Variants in LRRTM4 observed in about 807,000 individuals in gnomAD.
LRRTM4 encodes the protein leucine rich repeat transmembrane neuronal 4, also known as leucine-rich repeat transmembrane neuronal protein 4.
In LRRTM4, 25 loss-of-function variants were observed where a neutral mutation model predicts 47.6. That is an observed-to-expected ratio of 0.53 (90% CI 0.38 to 0.73). LRRTM4 has a LOEUF of 0.73. Among genes scored for constraint, LRRTM4 ranks in the 30% least tolerant of loss-of-function variants. The probability of loss-of-function intolerance (pLI) is 0.00; values close to 1 mark genes in which losing one functional copy is unlikely to be tolerated. For missense variants in LRRTM4, 638 were observed against 713.4 expected, an observed-to-expected ratio of 0.89 and a Z score of 1.20; for synonymous variants, 311 against 269.5, an observed-to-expected ratio of 1.15 and a Z score of -1.51.
intron 3 of LRRTM4, among the ~76,000 whole-genome samples, chr2:77,457,055 T>A (rs1466820246): frequency 3.4e-5 from 4 of 118,786 alleles, no homozygotes; most frequent in South Asian, 2.8e-4. Flanking sequence ...TATATATGTA[T>A]AACCTGGAAC....
At chr2:77,354,735 C>T (rs1213901683) in intron 3 of LRRTM4, among the ~76,000 whole-genome samples, 1 of 152,112 alleles carries the variant, frequency 6.6e-6, no homozygotes. Flanking sequence ...AGGAAGCTGG[C>T]CTTTCATACT....
chr2:77,072,814 A>AAC (rs1680202463), intron 3 of LRRTM4, among the ~76,000 whole-genome samples: 1 of 151,510 alleles, frequency 6.6e-6, no homozygotes, highest in Non-Finnish European at 1.5e-5. Context: ...AAAAAAAAAA[A>AAC]AAAAAAAAAC....
intron 3 of LRRTM4, among the ~76,000 whole-genome samples, chr2:77,026,827 AAAG>A (rs1291368672): frequency 6.6e-6 from 1 of 152,160 alleles, no homozygotes; most frequent in Non-Finnish European, 1.5e-5. Flanking sequence ...CATGTATTCA[AAAG>A]AAGACTGCAA....
chr2:77,065,074 G>A (rs902901249), intron 3 of LRRTM4, among the ~76,000 whole-genome samples: 8 of 152,058 alleles, frequency 5.3e-5, no homozygotes, highest in African/African-American at 1.9e-4. Context: ...TAATAATAAT[G>A]TTTTATTGAA....
intron 3 of LRRTM4, among the ~76,000 whole-genome samples, chr2:77,399,031 C>A (rs1483778582): frequency 2.0e-5 from 3 of 151,722 alleles, no homozygotes; most frequent in Non-Finnish European, 4.4e-5. Context: ...GTCCATCCTG[C>A]CATGACTAGA....
At chr2:77,476,732 A>C (rs569901970) in intron 3 of LRRTM4, among the ~76,000 whole-genome samples, 6 of 152,126 alleles carry the variant, frequency 3.9e-5, no homozygotes, top group Non-Finnish European at 8.8e-5. Flanking sequence ...TAATGGACCG[A>C]GTTTTACAAA....
chr2:76,973,732 T>C (rs1276710805), intron 3 of LRRTM4, among the ~76,000 whole-genome samples: 2 of 151,960 alleles, frequency 1.3e-5, no homozygotes, highest in African/African-American at 4.8e-5. Context: ...AGGCTTAATG[T>C]ATAAAGGATG....
chr2:77,379,550 T>A (rs978715598), intron 3 of LRRTM4, among the ~76,000 whole-genome samples: 4 of 152,156 alleles, frequency 2.6e-5, no homozygotes, highest in Middle Eastern at 3.2e-3. Flanking sequence ...TTAATATTTA[T>A]GTTTACAGTT....
At chr2:77,081,209 C>G (rs1281735639) in intron 3 of LRRTM4, among the ~76,000 whole-genome samples, 1 of 149,776 alleles carries the variant, frequency 6.7e-6, no homozygotes, top group African/African-American at 2.5e-5. Flanking sequence ...TGTTTCTGTT[C>G]CCTAAAGTAT....
intron 3 of LRRTM4, among the ~76,000 whole-genome samples, chr2:77,373,431 A>T (rs574172115): frequency 6.6e-6 from 1 of 151,862 alleles, no homozygotes; most frequent in Admixed American, 6.6e-5. Flanking sequence ...CTAGTACAAA[A>T]CATAGAATGG....
At chr2:77,457,855 T>C (rs1676621647) in intron 3 of LRRTM4, among the ~76,000 whole-genome samples, 1 of 152,096 alleles carries the variant, frequency 6.6e-6, no homozygotes, top group African/African-American at 2.4e-5. Context: ...ATGCCTCAGC[T>C]CAAAGGTCAC....
chr2:77,111,352 C>T, intron 3 of LRRTM4, among the ~76,000 whole-genome samples: 1 of 144,376 alleles, frequency 6.9e-6, no homozygotes, highest in Admixed American at 7.4e-5. Flanking sequence ...TGGTCTCCAT[C>T]TACTGACCTC....
Position 77,456,129 on chromosome 2 carries a change from A to G in LRRTM4, c.1551+62189T>C, listed in dbSNP as rs552410353. ...CAGTGAGACATTGCTACAGAAAATCACAAATCCCTACTGACTAAATTCAAT... is the reference window on the plus strand; with the variant it reads ...CAGTGAGACATTGCTACAGAAAATCGCAAATCCCTACTGACTAAATTCAAT... On this transcript the variant is annotated intron_variant, in intron 3 of 3. Transcript: ENST00000409884. Among the ~76,000 whole-genome samples, 3 of 152,156 alleles carry G rather than the reference A, an allele frequency of 2.0e-5. No individual in the cohort carries two copies. The South Asian group carries it at 6.2e-4, about 32-fold the overall frequency.
At chr2:77,131,443 G>T (rs180752548) in intron 3 of LRRTM4, among the ~76,000 whole-genome samples, 2 of 152,278 alleles carry the variant, frequency 1.3e-5, no homozygotes, top group Non-Finnish European at 2.9e-5. Flanking sequence ...TCATAAAACA[G>T]AATTGATGGA....
intron 3 of LRRTM4, among the ~76,000 whole-genome samples, chr2:77,162,150 C>A (rs376873067): frequency 2.0e-5 from 3 of 152,204 alleles, no homozygotes; most frequent in African/African-American, 7.2e-5. Flanking sequence ...ATGGTCTTAG[C>A]AAATGGCACC....
In LRRTM4 at chr2:77,007,578, T is replaced by C. The variant is rs184012536; in HGVS notation, c.1552-258662A>G. Reference sequence around the variant, plus strand: ...AAGTGTTAATCTGCCATAGTGCTTTTGCTGTCTATAAAAATGGCAACATAG... The same window carrying C: ...AAGTGTTAATCTGCCATAGTGCTTTCGCTGTCTATAAAAATGGCAACATAG... On this transcript the variant is annotated intron_variant, in intron 3 of 3. Coordinates refer to ENST00000409884, the MANE Select transcript of LRRTM4 (RefSeq NM_001134745.3). Among the ~76,000 whole-genome samples the C allele has an allele frequency of 9.2e-5, 14 of 152,308 alleles. No homozygotes were observed. In the East Asian group the frequency reaches 2.7e-3, roughly 29 times the overall value.
In LRRTM4 at chr2:76,748,540, G is replaced by GTT. The variant is rs11437981; in HGVS notation, c.*153_*154dup. The GTT allele has an allele frequency of 1.0e-3, 652 of 632,992 alleles. 1 individual carries two copies. Among genetic ancestry groups the GTT allele is most frequent in the East Asian group, 2.7e-3 (94 of 35,350 alleles). 39.2% of individuals were successfully genotyped at this position (632,992 alleles called of 1,614,324 possible). A position where few individuals can be genotyped will look rare whatever the true frequency, so the allele number is the denominator to read the frequency against. On this transcript the variant is annotated 3_prime_UTR_variant, in exon 4 of 4. Transcript: ENST00000409884. The stretch of plus-strand genomic sequence containing the variant: ...GTGCATTCGCTGCCCTCTTCAAGCA[G>GTT]TTTTTTTTTCTCTTTTTCTTTTCTC...
At chr2:77,298,976 A>G (rs1309885654) in intron 3 of LRRTM4, among the ~76,000 whole-genome samples, 18 of 152,172 alleles carry the variant, frequency 1.2e-4, no homozygotes, top group Non-Finnish European at 7.3e-5. Flanking sequence ...TTTAGGATAT[A>G]TAGAAGATGA....
intron 3 of LRRTM4, among the ~76,000 whole-genome samples, chr2:77,002,139 G>C (rs142132633): frequency 6.6e-6 from 1 of 152,006 alleles, no homozygotes; most frequent in South Asian, 2.1e-4. Context: ...AAATAATATT[G>C]TGAGTCCCCT....
Sources: allele counts gnomAD v4.1 joint callset (sites outside exome capture counted in the v4.1 genomes callset), GRCh38; gene constraint gnomAD v4.1.1; transcripts MANE v1.5; gene names NCBI Gene and HGNC (gene_info 2026-07-23, HGNC 2026-07-21).